Variants in MFSD8 observed in about 807,000 individuals in gnomAD.
MFSD8 encodes the protein major facilitator superfamily domain-containing protein 8.
Under a neutral mutation model 66.4 loss-of-function variants are expected in MFSD8, and 55 were observed. The ratio of observed to expected loss-of-function variants is 0.83; its 90% confidence interval spans 0.67 to 1.04. MFSD8 has a LOEUF of 1.04. Ranked by LOEUF, MFSD8 falls within the 50% of genes least tolerant of loss-of-function variation. The pLI, the probability that MFSD8 is intolerant of heterozygous loss-of-function variation, is 0.00. For synonymous variants in MFSD8, 202 were observed against 212.8 expected, an observed-to-expected ratio of 0.95 and a Z score of 0.44; for missense variants, 550 against 627.6, an observed-to-expected ratio of 0.88 and a Z score of 1.32.
rs1737985759 is a variant in MFSD8, at chr4:127,930,771, G to T, written c.910C>A (p.Gln304Lys). 6 of 1,612,736 alleles carry T rather than the reference G, an allele frequency of 3.7e-6. No homozygotes were observed. In the South Asian group the frequency reaches 6.6e-5, roughly 18 times the overall value. ...ATTATGCCATTATATAACACAGCTT[G>T]TTCTTGAGTCCAGGCATACATATCC... ...TMDMYAWTQE[Q>K]AVLYNGIILA... The change falls in exon 9 of 12, where the codon CAA becomes AAA. Residue 304 changes from glutamine (Q) to lysine (K), a missense_variant. Physicochemically the swap from Gln to Lys is moderately conservative, Grantham distance 53. Transcript: ENST00000641686.
At chr4:127,939,829 G>T (rs1739836938) in intron 6 of MFSD8, 24 bp downstream of exon 6, 21 of 1,595,004 alleles carry the variant, frequency 1.3e-5, no homozygotes, top group Non-Finnish European at 1.8e-5. Flanking sequence ...TACAAAAATA[G>T]TTTTATCATT....
intron 7 of MFSD8, among the ~76,000 whole-genome samples, chr4:127,935,455 G>A (rs1247160950): frequency 6.6e-6 from 1 of 151,950 alleles, no homozygotes; most frequent in Non-Finnish European, 1.5e-5. Flanking sequence ...ATTAGTATAT[G>A]GATTCAAATT....
At chr4:127,940,923 G>A (rs763507061) in intron 5 of MFSD8, among the ~76,000 whole-genome samples, 5 of 152,110 alleles carry the variant, frequency 3.3e-5, no homozygotes, top group South Asian at 2.1e-4. Flanking sequence ...AGTGCTTGTT[G>A]AGGGCTTATT....
intron 1 of MFSD8, among the ~76,000 whole-genome samples, chr4:127,964,020 C>T (rs1468014053): frequency 6.6e-6 from 1 of 152,184 alleles, no homozygotes; most frequent in East Asian, 1.9e-4. Context: ...TCGACTGGTG[C>T]ATTCACAAAC....
intron 1 of MFSD8, among the ~76,000 whole-genome samples, chr4:127,960,255 G>A (rs570835231): frequency 6.6e-5 from 10 of 152,322 alleles, no homozygotes; most frequent in Admixed American, 5.9e-4. Flanking sequence ...ACGGCCAGGC[G>A]CAGTGGCTCA....
At chr4:127,942,368 G>GT (rs1740330673) in intron 4 of MFSD8, among the ~76,000 whole-genome samples, 1 of 152,104 alleles carries the variant, frequency 6.6e-6, no homozygotes, top group Non-Finnish European at 1.5e-5. Flanking sequence ...TATGAAAACA[G>GT]TTAAAGATAT....
chr4:127,934,195 T>A (rs1486994372), intron 7 of MFSD8, among the ~76,000 whole-genome samples: 1 of 152,152 alleles, frequency 6.6e-6, no homozygotes, highest in Non-Finnish European at 1.5e-5. Context: ...TGAGCCAAGA[T>A]TGAGCCACTG....
chr4:127,947,903 C>G (rs1741347471), intron 3 of MFSD8, among the ~76,000 whole-genome samples: 2 of 151,402 alleles, frequency 1.3e-5, no homozygotes, highest in South Asian at 4.2e-4. Context: ...CACACACTCT[C>G]TCTCCAACCT....
At chr4:127,921,351 A>T in intron 11 of MFSD8, 173 bp downstream of exon 11, 1 of 1,101,356 alleles carries the variant, frequency 9.1e-7, no homozygotes, top group Non-Finnish European at 1.3e-6. Flanking sequence ...AACCCACATA[A>T]CCTACCCAAG....
At chr4:127,939,667 C>A in intron 6 of MFSD8, 186 bp downstream of exon 6, 1 of 320,460 alleles carries the variant, frequency 3.1e-6, no homozygotes, top group Non-Finnish European at 5.7e-6. Context: ...TTTCTGTTCT[C>A]ATTTATCAGG....
At chr4:127,959,421 G>A (rs1743387391) in intron 1 of MFSD8, among the ~76,000 whole-genome samples, 1 of 152,092 alleles carries the variant, frequency 6.6e-6, no homozygotes, top group African/African-American at 2.4e-5. Flanking sequence ...AGAATATAAG[G>A]TATATTTTTG....
intron 8 of MFSD8, among the ~76,000 whole-genome samples, chr4:127,931,800 A>C (rs953545670): frequency 2.0e-5 from 3 of 152,182 alleles, no homozygotes; most frequent in African/African-American, 7.2e-5. Flanking sequence ...ACTGAACTGC[A>C]TACCTTAAAA....
At chr4:127,929,548 A>C (rs1311864005) in intron 9 of MFSD8, among the ~76,000 whole-genome samples, 1 of 150,932 alleles carries the variant, frequency 6.6e-6, no homozygotes, top group Non-Finnish European at 1.5e-5. Context: ...TGATCACTCC[A>C]CTCCACTCCA....
At chr4:127,955,793 G>C (rs920165445) in intron 2 of MFSD8, among the ~76,000 whole-genome samples, 2 of 152,144 alleles carry the variant, frequency 1.3e-5, no homozygotes, top group Non-Finnish European at 2.9e-5. Flanking sequence ...TTAAGACACA[G>C]GTATAATTAA....
chr4:127,937,920 A>G (rs1337128563), intron 7 of MFSD8, among the ~76,000 whole-genome samples: 1 of 152,226 alleles, frequency 6.6e-6, no homozygotes, highest in Non-Finnish European at 1.5e-5. Context: ...GAGGGCCAGG[A>G]TCAGTCCTTG....
chr4:127,945,964 A>G (rs1740964573), intron 3 of MFSD8, among the ~76,000 whole-genome samples: 2 of 149,784 alleles, frequency 1.3e-5, no homozygotes, highest in South Asian at 4.2e-4. Context: ...TCTGTCACCC[A>G]GGCCAGAATA....
intron 5 of MFSD8, 98 bp from the exon 6 acceptor site, chr4:127,940,095 T>C (rs1238201844): frequency 2.6e-6 from 3 of 1,157,262 alleles, no homozygotes; most frequent in South Asian, 2.7e-5. Flanking sequence ...AACAATGTTA[T>C]GGAATCATCC....
chr4:127,953,316 C>T (rs1017577664), intron 2 of MFSD8, among the ~76,000 whole-genome samples: 1 of 151,698 alleles, frequency 6.6e-6, no homozygotes, highest in Non-Finnish European at 1.5e-5. Context: ...TGGAGAAACC[C>T]CGTCTCTACT....
intron 9 of MFSD8, among the ~76,000 whole-genome samples, chr4:127,928,956 T>C (rs779989442): frequency 8.5e-5 from 13 of 152,066 alleles, no homozygotes; most frequent in Non-Finnish European, 1.2e-4. Context: ...TTCATGGTCA[T>C]TATGTTAAGT....
Sources: gnomAD v4.1 joint callset for allele counts (sites outside exome capture counted in the v4.1 genomes callset) on GRCh38, gnomAD v4.1.1 for gene constraint, MANE v1.5 for transcripts, NCBI Gene and HGNC (gene_info 2026-07-23, HGNC 2026-07-21) for gene names.